SLC18A2: variants seen among roughly 807,000 people sequenced by gnomAD.
The protein encoded by SLC18A2 is solute carrier family 18 member A2.
A neutral mutation model predicts 59.2 loss-of-function variants in SLC18A2; 33 were observed. That is an observed-to-expected ratio of 0.56 (90% CI 0.42 to 0.75). The LOEUF (loss-of-function observed/expected upper bound fraction) is 0.75, where lower values mean the gene tolerates loss of function less well. Among genes scored for constraint, SLC18A2 ranks in the 30% least tolerant of loss-of-function variants. The pLI, the probability that SLC18A2 is intolerant of heterozygous loss-of-function variation, is 0.00. For missense variants in SLC18A2, 569 were observed against 668.6 expected (o/e 0.85, Z 1.64); for synonymous variants, 228 against 253.5 (o/e 0.90, Z 0.95).
At chr10:117,270,512 G>A (rs1214092515) in intron 15 of SLC18A2, 49 bp downstream of exon 15, 1 of 1,600,436 alleles carries the variant, frequency 6.2e-7, no homozygotes, top group Non-Finnish European at 8.5e-7. Flanking sequence ...ATTTTAGCAT[G>A]GCCTTCCTGA....
chr10:117,274,079 C>G (rs1022139156), intron 15 of SLC18A2, among the ~76,000 whole-genome samples: 10 of 152,234 alleles, frequency 6.6e-5, no homozygotes, highest in Admixed American at 1.3e-4. Flanking sequence ...GGGCACCTGA[C>G]TGACCTGCTT....
At chr10:117,257,770 A>G in intron 9 of SLC18A2, 27 bp from the exon 10 acceptor site, 1 of 1,511,882 alleles carries the variant, frequency 6.6e-7, no homozygotes, top group Non-Finnish European at 9.0e-7. Context: ...GGCAGAAGCC[A>G]CTACAAAGCC....
intron 3 of SLC18A2, among the ~76,000 whole-genome samples, chr10:117,251,612 ACT>A (rs1313108103): frequency 6.6e-6 from 1 of 152,050 alleles, no homozygotes; most frequent in East Asian, 1.9e-4. Context: ...CTTGTGAGTT[ACT>A]CTCTGTATTT....
rs199750100 is a variant in SLC18A2 at position 117,257,799 on chromosome 10, T to A, written c.898T>A (p.Ser300Thr). The A allele has an allele frequency of 1.7e-4, 272 of 1,601,786 alleles. 1 individual carries two copies. The highest frequency in any genetic ancestry group is 1.4e-5 in the Non-Finnish European group (17 of 1,173,280). ...CAAAGCCCTTTCCTCCCTTACAGGC[T>A]CCATCTGCTTTGCAAACATGGGCAT... ...KDPYILIAAG[S>T]ICFANMGIAM... The change falls in exon 10 of 16, where the codon TCC becomes ACC. Residue 300 changes from serine to threonine, a missense_variant and splice_region_variant. Ser to Thr is a moderately conservative substitution (Grantham distance 58). Coordinates refer to ENST00000644641, the MANE Select transcript of SLC18A2 (RefSeq NM_003054.6).
At chr10:117,263,791 C>G (rs1171189478) in intron 10 of SLC18A2, among the ~76,000 whole-genome samples, 2 of 152,204 alleles carry the variant, frequency 1.3e-5, no homozygotes, top group Non-Finnish European at 2.9e-5. Context: ...ACACTCTTGT[C>G]TTCTGGTTCT....
chr10:117,243,310 T>C lies in SLC18A2; in HGVS notation c.122-661T>C, dbSNP rs186181939. 1.6e-4 allele frequency among the ~76,000 whole-genome samples: 24 copies of C among 152,320 alleles called. 1 individual carries two copies. In the East Asian group the frequency reaches 3.9e-3, roughly 24 times the overall value. On this transcript the variant is annotated intron_variant, in intron 2 of 15. Transcript: ENST00000644641. Reference sequence around the variant, plus strand: ...AGCACTCTCTTAACGTCAGGCCACATTTTGCTTTTCTGAAATATTCCTTGA... The same window carrying C: ...AGCACTCTCTTAACGTCAGGCCACACTTTGCTTTTCTGAAATATTCCTTGA...
At chr10:117,255,720 G>A in intron 9 of SLC18A2, 63 bp downstream of exon 9, 4 of 1,477,758 alleles carry the variant, frequency 2.7e-6, no homozygotes, top group Non-Finnish European at 2.8e-6. Flanking sequence ...GCTGGAGGCA[G>A]GGGTGGATGG....
At chr10:117,264,515 T>C (rs1220212043) in intron 10 of SLC18A2, among the ~76,000 whole-genome samples, 2 of 152,152 alleles carry the variant, frequency 1.3e-5, no homozygotes, top group Non-Finnish European at 2.9e-5. Context: ...AACAGGATCT[T>C]CCAATACTGG....
At chr10:117,273,588 C>T (rs1205111924) in intron 15 of SLC18A2, among the ~76,000 whole-genome samples, 1 of 152,092 alleles carries the variant, frequency 6.6e-6, no homozygotes, top group African/African-American at 2.4e-5. Context: ...ATGGGGTGGC[C>T]CGAGGCTGCT....
At chr10:117,276,970 T>G (rs536264963) in intron 15 of SLC18A2, among the ~76,000 whole-genome samples, 192 bp from the exon 16 acceptor site, 1 of 152,324 alleles carries the variant, frequency 6.6e-6, no homozygotes. Context: ...CTGTCTCCAA[T>G]TGCCTGGAAT....
chr10:117,273,331 C>T (rs1261374103), intron 15 of SLC18A2, among the ~76,000 whole-genome samples: 2 of 152,200 alleles, frequency 1.3e-5, no homozygotes, highest in Non-Finnish European at 1.5e-5. Flanking sequence ...TACACGGTAG[C>T]GCTTCACTCT....
intron 3 of SLC18A2, among the ~76,000 whole-genome samples, chr10:117,252,802 A>G (rs1012623114): frequency 2.6e-5 from 4 of 152,126 alleles, no homozygotes; most frequent in Non-Finnish European, 5.9e-5. Context: ...GGCATAGGGG[A>G]ATGCCAGGGT....
chr10:117,245,034 G>A (rs1170968859), intron 3 of SLC18A2, among the ~76,000 whole-genome samples: 4 of 152,224 alleles, frequency 2.6e-5, no homozygotes, highest in Non-Finnish European at 5.9e-5. Context: ...CATTGTTGGT[G>A]AAGTGTTTGT....
rs1240340903 is a variant in SLC18A2, at chr10:117,252,125, A to AT, written c.465-1268dup. Among the ~76,000 whole-genome samples, 5 of 107,618 alleles carry AT rather than the reference A, an allele frequency of 4.6e-5. No homozygotes were observed. The East Asian group carries it at 8.0e-4, about 17-fold the overall frequency. 70.6% of individuals were successfully genotyped at this position (107,618 alleles called of 152,430 possible). A position where few individuals can be genotyped will look rare whatever the true frequency, so the allele number is the denominator to read the frequency against. ...AGGTGTGCACTACTATGCCTGACTC[A>AT]TTTTTTGTATTTTTTTTTTTTTTTT... On this transcript the variant is annotated intron_variant, in intron 3 of 15. Transcript: ENST00000644641.
At chr10:117,258,572 T>C (rs1389762017) in intron 10 of SLC18A2, among the ~76,000 whole-genome samples, 1 of 45,030 alleles carries the variant, frequency 2.2e-5, no homozygotes. Context: ...AATTAAATTT[T>C]ATTTTTTTTT....
At position 117,244,260 on chromosome 10, in the gene SLC18A2, G is replaced by A. The variant is rs764108890; in HGVS notation, c.411G>A (p.Ser137=). Reference sequence around the variant, plus strand: ...TGCAAGTTGGTCTGTTGTTTGCCTCGAAAGCCACCGTCCAGCTCATCACCA... The same window carrying A: ...TGCAAGTTGGTCTGTTGTTTGCCTCAAAAGCCACCGTCCAGCTCATCACCA... The part of the protein sequence containing the change: ...ENVQVGLLFA[S]KATVQLITNP... The change falls in exon 3 of 16, where the codon TCG becomes TCA. Residue 137 remains serine, a synonymous_variant. Coordinates refer to ENST00000644641, the MANE Select transcript of SLC18A2 (RefSeq NM_003054.6). 1.9e-5 allele frequency: 30 copies of A among 1,614,020 alleles called. No individual in the cohort carries two copies. Among genetic ancestry groups the A allele is most frequent in the Non-Finnish European group, 2.5e-5 (30 of 1,180,022 alleles).
intron 3 of SLC18A2, among the ~76,000 whole-genome samples, chr10:117,245,550 G>A (rs1844101751): frequency 1.3e-5 from 2 of 152,056 alleles, no homozygotes; most frequent in South Asian, 4.2e-4. Flanking sequence ...CTCTGCCTTT[G>A]GCGTGGGGAG....
At chr10:117,241,916 C>T (rs1008409224) in intron 2 of SLC18A2, 102 bp downstream of exon 2, 11 of 1,218,484 alleles carry the variant, frequency 9.0e-6, no homozygotes, top group Middle Eastern at 2.9e-4. Flanking sequence ...CGCCAAGGCC[C>T]GGGAAAGTTG....
rs774640131 is a variant in SLC18A2 at position 117,241,675 on chromosome 10, G to T, written c.-15-4G>T. Reference sequence around the variant, plus strand: ...TGGGTCCTCACCGCGCACCGCGCCCGCAGCGGAGCCCCGGAGCCATGGCCC... The same window carrying T: ...TGGGTCCTCACCGCGCACCGCGCCCTCAGCGGAGCCCCGGAGCCATGGCCC... On this transcript the variant is annotated splice_region_variant and splice_polypyrimidine_tract_variant and intron_variant, in intron 1 of 15. Transcript: ENST00000644641. 5 of 1,562,318 alleles carry T rather than the reference G, an allele frequency of 3.2e-6. No homozygotes were observed. The highest frequency in any genetic ancestry group is 3.5e-6 in the Non-Finnish European group (4 of 1,156,670).
Sources: gnomAD v4.1 joint callset for allele counts (sites outside exome capture counted in the v4.1 genomes callset) on GRCh38, gnomAD v4.1.1 for gene constraint, MANE v1.5 for transcripts, NCBI Gene and HGNC (gene_info 2026-07-23, HGNC 2026-07-21) for gene names.